The following ZNF679 variants were observed in gnomAD, a reference collection of about 807,000 sequenced individuals.
ZNF679 encodes the protein hypothetical protein MGC42415.
ZNF679 carries 10 observed loss-of-function variants against 13.4 expected under a neutral mutation model. The ratio of observed to expected loss-of-function variants is 0.75; its 90% CI spans 0.46 to 1.27. The LOEUF is 1.27. Ranked by LOEUF, ZNF679 falls within the 50% of genes most tolerant of loss-of-function variation. The probability of loss-of-function intolerance (pLI) is 0.00; values close to 1 mark genes in which losing one functional copy is unlikely to be tolerated. For synonymous variants in ZNF679, 179 were observed against 162.5 expected, an observed-to-expected ratio of 1.10 and a Z score of -0.77; for missense variants, 525 against 477.8, an observed-to-expected ratio of 1.10 and a Z score of -0.92.
intron 2 of ZNF679, among the ~76,000 whole-genome samples, chr7:64,250,265 G>GTTTTTTTTT (rs11434714): frequency 2.2e-5 from 2 of 91,316 alleles, no homozygotes; most frequent in Admixed American, 1.6e-4. Context: ...CTTTCCCTTG[G>GTTTTTTTTT]TTTTTTTTTT....
Position 64,231,679 on chromosome 7 carries a change from A to T in ZNF679, c.-91+3027A>T, listed in dbSNP as rs1241803234. On this transcript the variant is annotated intron_variant, in intron 1 of 4. Transcript: ENST00000421025. ...CTTCTATAAGTTGAGCCTAGAAAGA[A>T]AGGGAGAGTCACATCACTAGGTGAT... Among the ~76,000 whole-genome samples the T allele has an allele frequency of 1.3e-5, 2 of 152,114 alleles. 1 individual carries two copies. Among genetic ancestry groups the T allele is most frequent in the South Asian group, 4.1e-4 (2 of 4,828 alleles).
At chr7:64,256,925 T>C (rs1438860089) in intron 2 of ZNF679, among the ~76,000 whole-genome samples, 1 of 152,144 alleles carries the variant, frequency 6.6e-6, no homozygotes, top group East Asian at 1.9e-4. Flanking sequence ...CTTGAACTCC[T>C]GACATCATGA....
rs1341485776 is a variant in ZNF679 at position 64,260,889 on chromosome 7, T to A, written c.222T>A (p.Pro74=). The stretch of plus-strand genomic sequence containing the variant: ...CCTGTCTGGAGCAAAATAAAGAGCC[T>A]TGGAATATAAAGAGAAATGAGATGG... ...LITCLEQNKE[P]WNIKRNEMVT... is the part of the protein sequence containing the mutation. The change falls in exon 4 of 5, where the codon CCT becomes CCA. Residue 74 remains proline (P), a synonymous_variant. Transcript: ENST00000421025. 1 of 1,612,506 alleles carries A rather than the reference T, an allele frequency of 6.2e-7. No individual in the cohort carries two copies.
chr7:64,244,904 T>C (rs1266412393), intron 1 of ZNF679, among the ~76,000 whole-genome samples: 2 of 152,236 alleles, frequency 1.3e-5, no homozygotes, highest in Non-Finnish European at 2.9e-5. Context: ...TTCTATATGC[T>C]GGATGGTAGA....
At chr7:64,230,558 AAAAAG>A (rs1432043800) in intron 1 of ZNF679, among the ~76,000 whole-genome samples, 1 of 151,364 alleles carries the variant, frequency 6.6e-6, no homozygotes, top group African/African-American at 2.4e-5. Context: ...AAAAAAAAAG[AAAAAG>A]AAAAGGGCCA....
intron 1 of ZNF679, among the ~76,000 whole-genome samples, chr7:64,246,007 A>AAAAC (rs1345655783): frequency 2.6e-5 from 4 of 152,232 alleles, no homozygotes; most frequent in Non-Finnish European, 5.9e-5. Context: ...ACTCCGTCTC[A>AAAAC]AAACAAACAA....
intron 1 of ZNF679, among the ~76,000 whole-genome samples, chr7:64,229,456 C>T (rs182524968): frequency 3.9e-5 from 6 of 152,196 alleles, no homozygotes; most frequent in East Asian, 1.9e-4. Flanking sequence ...CATCCACATA[C>T]GACAGTCACG....
chr7:64,235,529 C>T (rs1787697688), intron 1 of ZNF679, among the ~76,000 whole-genome samples: 1 of 152,164 alleles, frequency 6.6e-6, no homozygotes, highest in South Asian at 2.1e-4. Flanking sequence ...TGGCTCATGC[C>T]TGTAATCCCA....
intron 1 of ZNF679, among the ~76,000 whole-genome samples, chr7:64,240,205 A>G (rs1787779071): frequency 6.6e-6 from 1 of 152,102 alleles, no homozygotes; most frequent in African/African-American, 2.4e-5. Context: ...CCAATCATAA[A>G]AGTGATGTGT....
intron 1 of ZNF679, among the ~76,000 whole-genome samples, chr7:64,240,368 C>T (rs981686210): frequency 2.6e-5 from 4 of 152,160 alleles, no homozygotes; most frequent in Admixed American, 2.0e-4. Flanking sequence ...TGATGACTCT[C>T]ATACTTGGAT....
rs1788146439 is a variant in ZNF679, at chr7:64,266,254, T to C, written c.621T>C (p.Thr207=). Residue 207 remains threonine, a synonymous_variant, in exon 5 of 5, where the codon ACT becomes ACC. Transcript: ENST00000421025. ...TACATCAACATCAGATAATTCATAC[T>C]AGGGAGAATTCCTACCAATGTGAAG... is the stretch of plus-strand genomic sequence containing the variant. ...SQLHQHQIIH[T]RENSYQCEEC... The C allele has an allele frequency of 1.3e-6, 2 of 1,585,474 alleles. No individual in the cohort carries two copies. Among genetic ancestry groups the C allele is most frequent in the Non-Finnish European group, 1.7e-6 (2 of 1,164,720 alleles).
intron 2 of ZNF679, among the ~76,000 whole-genome samples, chr7:64,259,159 G>A (rs1447365330): frequency 2.0e-5 from 3 of 152,048 alleles, no homozygotes; most frequent in Admixed American, 1.3e-4. Flanking sequence ...TGATCCACCC[G>A]CCTTGGCCCC....
intron 2 of ZNF679, among the ~76,000 whole-genome samples, chr7:64,256,413 A>C (rs570414406): frequency 7.2e-5 from 11 of 152,266 alleles, no homozygotes; most frequent in African/African-American, 2.4e-4. Flanking sequence ...AATAACTTAC[A>C]TTCATTGGTT....
intron 2 of ZNF679, among the ~76,000 whole-genome samples, chr7:64,252,205 A>G (rs1157030461): frequency 6.6e-6 from 1 of 152,152 alleles, no homozygotes; most frequent in African/African-American, 2.4e-5. Flanking sequence ...ATGATTAGAT[A>G]GTTTGACTTG....
chr7:64,250,315 G>T (rs1162738847), intron 2 of ZNF679, among the ~76,000 whole-genome samples: 1 of 138,706 alleles, frequency 7.2e-6, no homozygotes, highest in Non-Finnish European at 1.5e-5. Context: ...TGTTGCTCAG[G>T]CTGCAGTGCA....
At chr7:64,258,573 C>T (rs1408534228) in intron 2 of ZNF679, among the ~76,000 whole-genome samples, 2 of 151,758 alleles carry the variant, frequency 1.3e-5, no homozygotes, top group African/African-American at 2.4e-5. Context: ...TGGTGGCACA[C>T]ACCTGTAATC....
At chr7:64,248,941 A>C in intron 1 of ZNF679, 87 bp from the exon 2 acceptor site, 2 of 929,054 alleles carry the variant, frequency 2.2e-6, no homozygotes, top group Non-Finnish European at 3.2e-6. Flanking sequence ...GGGGCCATAT[A>C]TTAGAAACTG....
At chr7:64,242,818 C>T (rs1029670294) in intron 1 of ZNF679, among the ~76,000 whole-genome samples, 14 of 151,450 alleles carry the variant, frequency 9.2e-5, no homozygotes, top group African/African-American at 3.4e-4. Flanking sequence ...TTGGCCTAAA[C>T]CCAGCTATGA....
chr7:64,243,149 G>A (rs1471060450), intron 1 of ZNF679, among the ~76,000 whole-genome samples: 1 of 152,134 alleles, frequency 6.6e-6, no homozygotes, highest in East Asian at 1.9e-4. Flanking sequence ...TATATTGTGT[G>A]ATCTTTGCAC....
Sources: allele counts gnomAD v4.1 joint callset (sites outside exome capture counted in the v4.1 genomes callset), GRCh38; gene constraint gnomAD v4.1.1; transcripts MANE v1.5; gene names NCBI Gene and HGNC (gene_info 2026-07-23, HGNC 2026-07-21).